PPM1F: variants seen among roughly 807,000 people sequenced by gnomAD.
PPM1F encodes the protein protein phosphatase 1F.
A neutral mutation model predicts 35.5 loss-of-function variants in PPM1F; 17 were observed. The ratio of observed to expected loss-of-function variants is 0.48; its 90% CI spans 0.33 to 0.72. PPM1F has a LOEUF of 0.72. Among genes scored for constraint, PPM1F ranks in the 30% least tolerant of loss-of-function variants. The pLI is 0.02. For synonymous variants in PPM1F, 241 were observed against 255.5 expected (o/e 0.94, Z 0.54); for missense variants, 521 against 613.0 (o/e 0.85, Z 1.59).
chr22:21,928,303 G>A (rs1264811631), intron 6 of PPM1F, among the ~76,000 whole-genome samples: 1 of 152,118 alleles, frequency 6.6e-6, no homozygotes, highest in Non-Finnish European at 1.5e-5. Context: ...GGCCCTCTGC[G>A]ATGTCTCCAC....
chr22:21,928,158 C>T (rs1446078445), intron 6 of PPM1F, among the ~76,000 whole-genome samples: 2 of 151,986 alleles, frequency 1.3e-5, no homozygotes, highest in African/African-American at 4.8e-5. Context: ...GAAACAGCTT[C>T]CCAGGTCAAA....
At chr22:21,924,717 G>A (rs928784708) in intron 7 of PPM1F, among the ~76,000 whole-genome samples, 17 of 149,060 alleles carry the variant, frequency 1.1e-4, no homozygotes, top group Admixed American at 6.7e-4. Context: ...TTACAGGCGC[G>A]TGCCACCACA....
At position 21,923,035 on chromosome 22, in the gene PPM1F, C is replaced by T; in HGVS notation, c.*57G>A. On this transcript the variant is annotated 3_prime_UTR_variant, in exon 8 of 8. Transcript: ENST00000263212. ...TGCCACCTGTTGGGTCCTGAGGCTT[C>T]TGAGGGAGAGAAGGACAAGGATGGG... is the stretch of plus-strand genomic sequence containing the variant. 1 of 1,538,206 alleles carries T rather than the reference C, an allele frequency of 6.5e-7. No homozygotes were observed. The highest frequency in any genetic ancestry group is 8.7e-7 in the Non-Finnish European group (1 of 1,145,194).
intron 1 of PPM1F, chr22:21,950,730 C>A (rs2070827753): frequency 6.6e-6 from 1 of 152,100 alleles, no homozygotes; most frequent in African/African-American, 2.4e-5. Context: ...TCAAGTGATT[C>A]TCCTGCCTAA....
At chr22:21,950,636 T>C (rs5756181) in intron 1 of PPM1F, 34,750 of 152,014 alleles carry the variant, frequency 0.23, 4,221 homozygotes, top group East Asian at 0.32. Context: ...GTTTTTGTTT[T>C]TTTTGAGACA....
chr22:21,949,485 G>C (rs1018762420), intron 1 of PPM1F: 6 of 152,418 alleles, frequency 3.9e-5, no homozygotes, highest in Non-Finnish European at 8.8e-5. Context: ...CCCTGGGAGT[G>C]CCTGGAGGGG....
In PPM1F at chr22:21,939,512, T is replaced by C. The variant is rs780198619; in HGVS notation, c.355+20A>G. On this transcript the variant is annotated intron_variant, in intron 3 of 7. Coordinates refer to ENST00000263212, the MANE Select transcript of PPM1F (RefSeq NM_014634.4). The surrounding 1 kb of genome is among the most constrained non-coding windows in gnomAD (Gnocchi z 5.1). Reference sequence around the variant, plus strand: ...CCTGCTAAGCAGCCCTGGGGCCACCTCAGAAGAAACAGAACTCACAGGTCA... The same window carrying C: ...CCTGCTAAGCAGCCCTGGGGCCACCCCAGAAGAAACAGAACTCACAGGTCA... 16 of 1,605,772 alleles carry C rather than the reference T, an allele frequency of 1.0e-5. No homozygotes were observed. The African/African-American group carries it at 2.1e-4, about 21-fold the overall frequency.
chr22:21,939,548 T>TTCCTCCTCGTCATCGTCC lies in PPM1F; in HGVS notation c.321_338dup (p.Asp108_Glu113dup). On this transcript the variant is annotated inframe_insertion, in exon 3 of 8. Coordinates refer to ENST00000263212, the MANE Select transcript of PPM1F (RefSeq NM_014634.4). This position sits in a 1 kb window ranked among gnomAD's most constrained non-coding sequence, Gnocchi z 5.1. ...AGAACTCACAGGTCACAGGGGCCTT[T>TTCCTCCTCGTCATCGTCC]TCCTCCTCGTCATCGTCCTCCTCCT... 1 of 1,591,098 alleles carries TTCCTCCTCGTCATCGTCC rather than the reference T, an allele frequency of 6.3e-7. No homozygotes were observed. The highest frequency in any genetic ancestry group is 2.3e-5 in the East Asian group (1 of 44,272).
chr22:21,925,668 G>A lies in PPM1F; in HGVS notation c.892-6C>T. 1.3e-6 allele frequency: 2 copies of A among 1,573,408 alleles called. No individual in the cohort carries two copies. Among genetic ancestry groups the A allele is most frequent in the Non-Finnish European group, 1.7e-6 (2 of 1,153,250 alleles). Reference sequence around the variant, plus strand: ...TCAATGCGCGCCTTCTCATCCTGCAGAAACACAGCCAGAGTTGGGGGCAGG... The same window carrying A: ...TCAATGCGCGCCTTCTCATCCTGCAAAAACACAGCCAGAGTTGGGGGCAGG... On this transcript the variant is annotated splice_polypyrimidine_tract_variant and splice_region_variant and intron_variant, in intron 6 of 7. Coordinates refer to ENST00000263212, the MANE Select transcript of PPM1F (RefSeq NM_014634.4).
rs2070691350 is a variant in PPM1F, at chr22:21,938,675, G to A, written c.355+857C>T. 2.1e-5 allele frequency: 19 copies of A among 908,244 alleles called. No individual in the cohort carries two copies. In the South Asian group the frequency reaches 5.7e-4, roughly 27 times the overall value. The allele number at this position is 908,244 out of a possible 1,614,324, so 56.3% of individuals were successfully genotyped here. On this transcript the variant is annotated intron_variant, in intron 3 of 7. Transcript: ENST00000263212. ...TCCACTGCAACTCTGCTGCCTGCTGGCCTGTCCAGGGACAACTATTCAGCT... is the reference window on the plus strand; with the variant it reads ...TCCACTGCAACTCTGCTGCCTGCTGACCTGTCCAGGGACAACTATTCAGCT...
Position 21,939,307 on chromosome 22 carries a change from C to G in PPM1F, c.355+225G>C. 1.7e-6 allele frequency: 1 copy of G among 594,174 alleles called. No homozygotes were observed. Among genetic ancestry groups the G allele is most frequent in the South Asian group, 2.1e-5 (1 of 48,704 alleles). 36.8% of individuals were successfully genotyped at this position (594,174 alleles called of 1,614,324 possible). The stretch of plus-strand genomic sequence containing the variant: ...AGGAGGGTGTCTGCACCACCCACCC[C>G]TGCCTCGTGGGCTGACTGGGAACTA... On this transcript the variant is annotated intron_variant, in intron 3 of 7. Coordinates refer to ENST00000263212, the MANE Select transcript of PPM1F (RefSeq NM_014634.4). The surrounding 1 kb of genome is among the most constrained non-coding windows in gnomAD (Gnocchi z 5.1).
chr22:21,944,958 A>G, intron 2 of PPM1F: 1 of 152,408 alleles, frequency 6.6e-6, no homozygotes, highest in Non-Finnish European at 1.5e-5. Flanking sequence ...GCTATCTCTC[A>G]GATCGTGGTG....
intron 1 of PPM1F, chr22:21,949,816 C>T (rs2070816771): frequency 6.6e-6 from 1 of 152,320 alleles, no homozygotes; most frequent in Non-Finnish European, 1.5e-5. Flanking sequence ...GATCAGGGCC[C>T]CACTGCACAC....
At chr22:21,948,344 G>T (rs1434094986) in intron 1 of PPM1F, 1 of 102,644 alleles carries the variant, frequency 9.7e-6, no homozygotes, top group Non-Finnish European at 1.8e-5. Flanking sequence ...GAAAAAAAAA[G>T]AACATAAAGC....
In PPM1F at chr22:21,923,297, A is replaced by T; in HGVS notation, c.1160T>A (p.Leu387His). The change falls in exon 8 of 8, where the codon CTC becomes CAC. Residue 387 changes from leucine (L) to histidine (H), a missense_variant. By Grantham distance (99) the Leu-to-His change is moderately conservative (BLOSUM62 -3). Transcript: ENST00000263212. ...AGCCACCAGCTCCTCGGCGACACGG[A>T]GCCCGCTGCCCTGCTGCCTGGTCAG... is the stretch of plus-strand genomic sequence containing the variant. The part of the protein sequence containing the change: ...SHLTRQQGSG[L>H]RVAEELVAAA... 6.2e-7 allele frequency: 1 copy of T among 1,613,394 alleles called. No individual in the cohort carries two copies. Among genetic ancestry groups the T allele is most frequent in the Non-Finnish European group, 8.5e-7 (1 of 1,179,898 alleles).
At chr22:21,924,961 G>A (rs1488715288) in intron 7 of PPM1F, 3 of 152,712 alleles carry the variant, frequency 2.0e-5, no homozygotes, top group Non-Finnish European at 2.9e-5. Flanking sequence ...GGAGTGGCGC[G>A]ATCTCAGCTC....
chr22:21,926,931 C>G (rs1163464392), intron 6 of PPM1F, among the ~76,000 whole-genome samples: 1 of 152,208 alleles, frequency 6.6e-6, no homozygotes, highest in Non-Finnish European at 1.5e-5. Flanking sequence ...CACCAAGGAC[C>G]AGGCCTCTTT....
rs376586546 is a variant in PPM1F at position 21,925,709 on chromosome 22, C to T, written c.892-47G>A. The T allele has an allele frequency of 2.0e-5, 30 of 1,465,554 alleles. No individual in the cohort carries two copies. The African/African-American group carries it at 3.1e-4, about 15-fold the overall frequency. 90.8% of individuals were successfully genotyped at this position (1,465,554 alleles called of 1,614,324 possible). A position where few individuals can be genotyped will look rare whatever the true frequency, so the allele number is the denominator to read the frequency against. Reference sequence around the variant, plus strand: ...TGGGGGCAGGGCCGGGGGGATGGGGCGTGAAGCCCCCTGCTGCTACCTGAG... The same window carrying T: ...TGGGGGCAGGGCCGGGGGGATGGGGTGTGAAGCCCCCTGCTGCTACCTGAG... On this transcript the variant is annotated intron_variant, in intron 6 of 7. Coordinates refer to ENST00000263212, the MANE Select transcript of PPM1F (RefSeq NM_014634.4).
rs374314822 is a variant in PPM1F at position 21,945,974 on chromosome 22, C to T, written c.75G>A (p.Thr25=). The part of the protein sequence containing the change: ...GAEETPGFLD[T]LLQDFPALLN... ...GCAGGGCTGGGAAGTCTTGCAGGAG[C>T]GTGTCCAGGAAGCCTGGGGTCTCCT... is the stretch of plus-strand genomic sequence containing the variant. Residue 25 remains threonine (T), a synonymous_variant, in exon 2 of 8, where the codon ACG becomes ACA. Transcript: ENST00000263212. 34 of 1,610,308 alleles carry T rather than the reference C, an allele frequency of 2.1e-5. No homozygotes were observed. The highest frequency in any genetic ancestry group is 3.4e-5 in the Admixed American group (2 of 59,558).
Sources: allele counts gnomAD v4.1 joint callset (sites outside exome capture counted in the v4.1 genomes callset), GRCh38; gene constraint gnomAD v4.1.1; non-coding constraint Gnocchi (gnomAD v3.1); transcripts MANE v1.5; gene names NCBI Gene and HGNC (gene_info 2026-07-23, HGNC 2026-07-21).